Variants in LAMB4 observed in about 807,000 individuals in gnomAD.
LAMB4 encodes the protein laminin subunit beta 4.
A neutral mutation model predicts 199.2 loss-of-function variants in LAMB4; 196 were observed. The ratio of observed to expected loss-of-function variants is 0.98; its 90% CI spans 0.88 to 1.11. The LOEUF (loss-of-function observed/expected upper bound fraction) is 1.11, where lower values mean the gene tolerates loss of function less well. Ranked by LOEUF, LAMB4 falls within the 50% of genes least tolerant of loss-of-function variation. The pLI is 0.00. For synonymous variants in LAMB4, 744 were observed against 770.6 expected (o/e 0.97, Z 0.57); for missense variants, 2,080 against 2,171.2 (o/e 0.96, Z 0.83).
Position 108,065,745 on chromosome 7 carries a change from A to G in LAMB4, c.2836+17T>C. On this transcript the variant is annotated intron_variant, in intron 21 of 33. Transcript: ENST00000388781. Reference sequence around the variant, plus strand: ...GGGATAAAGAGAAAAAATTGCATCAAGCACTATACTGCATACCCGTATAAC... The same window carrying G: ...GGGATAAAGAGAAAAAATTGCATCAGGCACTATACTGCATACCCGTATAAC... 1.2e-6 allele frequency: 2 copies of G among 1,600,510 alleles called. No individual in the cohort carries two copies. Among genetic ancestry groups the G allele is most frequent in the South Asian group, 2.3e-5 (2 of 88,752 alleles).
chr7:108,129,797 G>A (rs535583544), intron 1 of LAMB4, among the ~76,000 whole-genome samples: 1 of 152,170 alleles, frequency 6.6e-6, no homozygotes, highest in South Asian at 2.1e-4. Context: ...CCAGAGGGCT[G>A]GGATTACAGG....
In LAMB4 at chr7:108,043,781, A is replaced by G. The variant is rs762309851; in HGVS notation, c.4442T>C (p.Phe1481Ser). The change falls in exon 29 of 34, where the codon TTC becomes TCC. Residue 1481 changes from phenylalanine to serine, a missense_variant. Phe to Ser is a radical substitution (Grantham distance 155, BLOSUM62 -2). Transcript: ENST00000388781. ...SDSEEENINL[F>S]IKKVKNFLLE... ...CAAAAAGTTTTTCACTTTTTTGATG[A>G]AAAGATTGATGTTTTCTTCTTCAGA... 1 of 1,593,470 alleles carries G rather than the reference A, an allele frequency of 6.3e-7. No individual in the cohort carries two copies. Among genetic ancestry groups the G allele is most frequent in the Non-Finnish European group, 8.6e-7 (1 of 1,167,266 alleles).
chr7:108,057,158 C>T (rs2036011527), intron 24 of LAMB4, among the ~76,000 whole-genome samples: 2 of 152,212 alleles, frequency 1.3e-5, no homozygotes, highest in South Asian at 4.1e-4. Context: ...GCCGCTCTTC[C>T]CCAGGAGATT....
chr7:108,091,587 T>C, intron 14 of LAMB4, 39 bp downstream of exon 14: 1 of 1,591,774 alleles, frequency 6.3e-7, no homozygotes. Context: ...TGACATATCA[T>C]CAAACACAGT....
chr7:108,103,343 C>A, intron 9 of LAMB4, 111 bp from the exon 10 acceptor site: 2 of 886,354 alleles, frequency 2.3e-6, no homozygotes, highest in Non-Finnish European at 3.3e-6. Flanking sequence ...CCTGCCATTT[C>A]GTGTTCTTTG....
At chr7:108,037,922 T>A (rs1377626830) in intron 29 of LAMB4, among the ~76,000 whole-genome samples, 2 of 152,180 alleles carry the variant, frequency 1.3e-5, no homozygotes, top group Admixed American at 1.3e-4. Context: ...CAAAAGCAAT[T>A]AACATGTTTA....
intron 8 of LAMB4, among the ~76,000 whole-genome samples, 191 bp from the exon 9 acceptor site, chr7:108,104,810 A>T (rs1251782140): frequency 1.3e-5 from 2 of 152,218 alleles, no homozygotes; most frequent in Non-Finnish European, 2.9e-5. Flanking sequence ...TAAAAATTTT[A>T]AAAGTTCAGT....
chr7:108,121,145 G>A (rs184268658), intron 2 of LAMB4, among the ~76,000 whole-genome samples: 166 of 152,200 alleles, frequency 1.1e-3, no homozygotes, highest in African/African-American at 3.9e-3. Flanking sequence ...CAATCAACAC[G>A]TTCCTAAAAG....
the LAMB4 span, among the ~76,000 whole-genome samples, chr7:108,012,180 AAC>A: frequency 6.6e-6 from 1 of 151,974 alleles, no homozygotes; most frequent in Non-Finnish European, 1.5e-5. Context: ...TATTTATATA[AAC>A]ACATGAATAA....
chr7:108,041,843 G>A (rs958174169), intron 29 of LAMB4, among the ~76,000 whole-genome samples: 4 of 152,022 alleles, frequency 2.6e-5, no homozygotes, highest in African/African-American at 7.2e-5. Flanking sequence ...ACAAACCCCT[G>A]TGACTCGAGT....
intron 10 of LAMB4, among the ~76,000 whole-genome samples, chr7:108,100,025 C>A (rs2037763240): frequency 6.6e-6 from 1 of 151,970 alleles, no homozygotes; most frequent in African/African-American, 2.4e-5. Flanking sequence ...TTAATAGTGG[C>A]CAAAAGGAAA....
chr7:108,077,551 A>C (rs2036751628), intron 16 of LAMB4, among the ~76,000 whole-genome samples: 2 of 152,238 alleles, frequency 1.3e-5, no homozygotes, highest in South Asian at 4.2e-4. Flanking sequence ...AAAGTTAGCC[A>C]GGCGTGGTGG....
At chr7:108,114,261 A>C (rs1195520995) in intron 3 of LAMB4, among the ~76,000 whole-genome samples, 8 of 152,060 alleles carry the variant, frequency 5.3e-5, no homozygotes, top group Non-Finnish European at 1.2e-4. Flanking sequence ...TCTCTATAAA[A>C]ATACCAAAAA....
intron 12 of LAMB4, among the ~76,000 whole-genome samples, chr7:108,093,941 T>C (rs956151617): frequency 9.2e-5 from 14 of 152,172 alleles, no homozygotes; most frequent in Non-Finnish European, 2.1e-4. Context: ...AAAAAAATGA[T>C]GTGATAGGAA....
chr7:108,026,902 G>A (rs2034857748), intron 33 of LAMB4: 1 of 517,744 alleles, frequency 1.9e-6, no homozygotes, highest in Admixed American at 2.0e-5. Context: ...ATCTTGCTGA[G>A]TTCTGAAAAC....
In LAMB4 at chr7:108,040,108, C is replaced by T. The variant is rs369849411; in HGVS notation, c.4472-2513G>A. On this transcript the variant is annotated intron_variant, in intron 29 of 33. Coordinates refer to ENST00000388781, the MANE Select transcript of LAMB4 (RefSeq NM_007356.3). ...TACAAAAATCACTAGCATTCCTATA[C>T]ATCAGCAACAGTCAAGCCAAGAGCC... Among the ~76,000 whole-genome samples, 7 of 152,174 alleles carry T rather than the reference C, an allele frequency of 4.6e-5. No homozygotes were observed. In the East Asian group the frequency reaches 1.3e-3, roughly 29 times the overall value.
At chr7:108,012,358 G>A in the LAMB4 span, among the ~76,000 whole-genome samples, 2 of 152,184 alleles carry the variant, frequency 1.3e-5, no homozygotes, top group Non-Finnish European at 2.9e-5. Flanking sequence ...TTGGGATGGG[G>A]GTTAAGGGGA....
At chr7:108,067,675 A>T (rs1172859972) in intron 19 of LAMB4, among the ~76,000 whole-genome samples, 1 of 152,188 alleles carries the variant, frequency 6.6e-6, no homozygotes, top group African/African-American at 2.4e-5. Context: ...TGTGAGCTAG[A>T]TCCTCAAGCT....
intron 14 of LAMB4, among the ~76,000 whole-genome samples, chr7:108,084,606 C>T (rs1470192429): frequency 6.6e-6 from 1 of 151,986 alleles, no homozygotes; most frequent in Non-Finnish European, 1.5e-5. Context: ...TTCTGGTGGA[C>T]CTACTATGCC....
Sources: allele counts gnomAD v4.1 joint callset (sites outside exome capture counted in the v4.1 genomes callset), GRCh38; gene constraint gnomAD v4.1.1; transcripts MANE v1.5; gene names NCBI Gene and HGNC (gene_info 2026-07-23, HGNC 2026-07-21).